Variants in RYR3 observed in about 807,000 individuals in gnomAD.
RYR3 encodes the protein ryanodine receptor 3.
A neutral mutation model predicts 584.3 loss-of-function variants in RYR3; 207 were observed. The observed-to-expected ratio is 0.35, with a 90% CI of 0.32 to 0.40. RYR3 has a LOEUF of 0.40. RYR3 is among the 10% of genes least tolerant of loss of function. The pLI, the probability that RYR3 is intolerant of heterozygous loss-of-function variation, is 1.00. For missense variants in RYR3, 5,616 were observed against 6,089.2 expected (o/e 0.92, Z 2.59); for synonymous variants, 2,416 against 2,248.5 (o/e 1.07, Z -2.11).
intron 43 of RYR3, among the ~76,000 whole-genome samples, chr15:33,707,844 G>A (rs2066825118): frequency 2.0e-5 from 3 of 152,110 alleles, no homozygotes; most frequent in African/African-American, 7.2e-5. Context: ...CTCAAAATAT[G>A]TTGATATAAT....
At position 33,746,014 on chromosome 15, in the gene RYR3, C is replaced by T; in HGVS notation, c.7900-54C>T. Reference sequence around the variant, plus strand: ...AAAATAGAAGCAGGGATTTGGGTCACATAGCGGGGTTCTTTGCGTGCCAAG... The same window carrying T: ...AAAATAGAAGCAGGGATTTGGGTCATATAGCGGGGTTCTTTGCGTGCCAAG... On this transcript the variant is annotated intron_variant, in intron 52 of 103. Coordinates refer to ENST00000634891, the MANE Select transcript of RYR3 (RefSeq NM_001036.6). The T allele has an allele frequency of 2.6e-6, 3 of 1,164,488 alleles. No homozygotes were observed. In the South Asian group the frequency reaches 3.9e-5, roughly 15 times the overall value. 72.1% of individuals were successfully genotyped at this position (1,164,488 alleles called of 1,614,324 possible).
chr15:33,353,752 T>C (rs1973587598), intron 1 of RYR3, among the ~76,000 whole-genome samples: 1 of 152,318 alleles, frequency 6.6e-6, no homozygotes, highest in East Asian at 1.9e-4. Context: ...TTTCCCTCAA[T>C]TAACAGACAG....
chr15:33,731,557 C>T lies in RYR3; in HGVS notation c.7287C>T (p.Ala2429=). 6.2e-7 allele frequency: 1 copy of T among 1,613,848 alleles called. No individual in the cohort carries two copies. Among genetic ancestry groups the T allele is most frequent in the Non-Finnish European group, 8.5e-7 (1 of 1,179,814 alleles). The change falls in exon 48 of 104, where the codon GCC becomes GCT. Residue 2429 remains alanine, a synonymous_variant. Transcript: ENST00000634891. The stretch of plus-strand genomic sequence containing the variant: ...TGCTCCCGCTCCTCACAAGATGTGC[C>T]CCTCTCTTTGCCGGAACAGAACACT... ...SAVLPLLTRC[A]PLFAGTEHCT...
chr15:33,717,899 G>T lies in RYR3; in HGVS notation c.6620-4816G>T, dbSNP rs187382861. 2.3e-3 allele frequency among the ~76,000 whole-genome samples: 353 copies of T among 152,244 alleles called. 3 individuals carry two copies. The highest frequency in any genetic ancestry group is 4.0e-3 in the Non-Finnish European group (272 of 68,020). On this transcript the variant is annotated intron_variant, in intron 43 of 103. Coordinates refer to ENST00000634891, the MANE Select transcript of RYR3 (RefSeq NM_001036.6). ...TAAATGGGCAAACAATTCCTGGTTT[G>T]TTCTCTGTGCTATCACAGTGGCTCT...
chr15:33,826,527 A>T, intron 83 of RYR3, 145 bp from the exon 84 acceptor site: 1 of 807,924 alleles, frequency 1.2e-6, no homozygotes, highest in Non-Finnish European at 2.1e-6. Flanking sequence ...AGCTCAGTTT[A>T]ATTGGGCTTT....
intron 55 of RYR3, 24 bp from the exon 56 acceptor site, chr15:33,749,955 T>C: frequency 6.2e-7 from 1 of 1,605,374 alleles, no homozygotes; most frequent in Non-Finnish European, 8.5e-7. Flanking sequence ...TCTTTTTGAC[T>C]TGGCTCTTCT....
intron 91 of RYR3, 113 bp from the exon 92 acceptor site, chr15:33,843,375 A>C: frequency 1.4e-6 from 1 of 694,674 alleles, no homozygotes; most frequent in Middle Eastern, 2.4e-4. Context: ...GTCATCAAAG[A>C]GTAGGACGAG....
At chr15:33,319,613 C>T (rs1033086408) in intron 1 of RYR3, among the ~76,000 whole-genome samples, 4 of 152,164 alleles carry the variant, frequency 2.6e-5, no homozygotes, top group Admixed American at 6.5e-5. Flanking sequence ...AGAGGTAAAG[C>T]GTTTGCTATA....
chr15:33,364,790 C>G (rs559416510), intron 1 of RYR3, among the ~76,000 whole-genome samples: 1 of 152,266 alleles, frequency 6.6e-6, no homozygotes, highest in East Asian at 1.9e-4. Flanking sequence ...GATGACAAGG[C>G]AGAAGAACCT....
At chr15:33,449,368 G>A (rs1306168291) in intron 1 of RYR3, among the ~76,000 whole-genome samples, 3 of 152,158 alleles carry the variant, frequency 2.0e-5, no homozygotes, top group Non-Finnish European at 4.4e-5. Context: ...GACAGAAAGA[G>A]GGGTCGTACA....
intron 38 of RYR3, among the ~76,000 whole-genome samples, chr15:33,688,602 C>G (rs977324849): frequency 1.3e-5 from 2 of 150,526 alleles, no homozygotes; most frequent in African/African-American, 2.4e-5. Flanking sequence ...GACATTTATG[C>G]AGCTAACAGA....
chr15:33,398,383 A>C (rs535319067), intron 1 of RYR3, among the ~76,000 whole-genome samples: 3 of 152,326 alleles, frequency 2.0e-5, no homozygotes, highest in African/African-American at 7.2e-5. Flanking sequence ...TACTCTAAAG[A>C]ACATAAACAG....
intron 1 of RYR3, among the ~76,000 whole-genome samples, chr15:33,383,629 A>G (rs984505849): frequency 1.8e-4 from 27 of 152,202 alleles, no homozygotes; most frequent in African/African-American, 6.5e-4. Flanking sequence ...GGTTTGGCAT[A>G]CAGATGGTAC....
intron 91 of RYR3, among the ~76,000 whole-genome samples, chr15:33,843,273 T>G (rs1190149793): frequency 6.6e-6 from 1 of 151,822 alleles, no homozygotes; most frequent in African/African-American, 2.4e-5. Flanking sequence ...TGAGCCGAGA[T>G]TGCACCACTG....
intron 1 of RYR3, among the ~76,000 whole-genome samples, chr15:33,351,999 C>G (rs1973339098): frequency 2.6e-5 from 4 of 152,122 alleles, no homozygotes; most frequent in Admixed American, 2.0e-4. Flanking sequence ...GATTGTATAT[C>G]TAGAAAACCC....
intron 18 of RYR3, among the ~76,000 whole-genome samples, chr15:33,607,411 C>T (rs1002395914): frequency 6.6e-5 from 10 of 152,100 alleles, no homozygotes; most frequent in South Asian, 2.1e-4. Flanking sequence ...AACCAGGGGA[C>T]GGTTTTTCCT....
At chr15:33,553,697 C>G (rs893429680) in intron 10 of RYR3, among the ~76,000 whole-genome samples, 3 of 152,150 alleles carry the variant, frequency 2.0e-5, no homozygotes, top group Admixed American at 2.0e-4. Flanking sequence ...GTATTACTTC[C>G]AAAATACAGC....
chr15:33,715,971 G>A (rs1031101455), intron 43 of RYR3, among the ~76,000 whole-genome samples: 1 of 152,180 alleles, frequency 6.6e-6, no homozygotes, highest in Admixed American at 6.5e-5. Flanking sequence ...GGTGGAGCCT[G>A]GTGGGACGTG....
chr15:33,842,150 C>T, intron 91 of RYR3, 115 bp downstream of exon 91: 1 of 1,130,330 alleles, frequency 8.8e-7, no homozygotes, highest in Non-Finnish European at 1.2e-6. Context: ...TCCCCTTTCT[C>T]ATTCCTAAAC....
Sources: gnomAD v4.1 joint callset for allele counts (sites outside exome capture counted in the v4.1 genomes callset) on GRCh38, gnomAD v4.1.1 for gene constraint, MANE v1.5 for transcripts, NCBI Gene and HGNC (gene_info 2026-07-23, HGNC 2026-07-21) for gene names.